MPHOSPH9: variants seen among roughly 807,000 people sequenced by gnomAD.
The protein encoded by MPHOSPH9 is M-phase phosphoprotein 9.
Under a neutral mutation model 145.5 loss-of-function variants are expected in MPHOSPH9, and 88 were observed. That is an observed-to-expected ratio of 0.60 (90% CI 0.51 to 0.72). The LOEUF (loss-of-function observed/expected upper bound fraction) is 0.72. Ranked by LOEUF, MPHOSPH9 falls within the 30% of genes least tolerant of loss-of-function variation. The pLI is 0.00. For synonymous variants in MPHOSPH9, 435 were observed against 486.2 expected, an observed-to-expected ratio of 0.89 and a Z score of 1.39; for missense variants, 1,238 against 1,386.6, an observed-to-expected ratio of 0.89 and a Z score of 1.70.
intron 6 of MPHOSPH9, among the ~76,000 whole-genome samples, chr12:123,216,153 C>G (rs1206806534): frequency 6.6e-6 from 1 of 152,112 alleles, no homozygotes; most frequent in Non-Finnish European, 1.5e-5. Flanking sequence ...TAGTACTAAA[C>G]GGCTTTTCTA....
downstream of MPHOSPH9, chr12:123,152,389 G>T: frequency 2.9e-6 from 1 of 339,624 alleles, no homozygotes; most frequent in East Asian, 8.3e-5. Context: ...CTGCTCCCGC[G>T]GAGCTTACAG....
At chr12:123,162,885 T>A in intron 20 of MPHOSPH9, 129 bp downstream of exon 20, 2 of 870,414 alleles carry the variant, frequency 2.3e-6, no homozygotes, top group Non-Finnish European at 3.3e-6. Flanking sequence ...CATTCACTTA[T>A]GATTTAAATG....
chr12:123,186,070 C>G (rs1212665451), intron 13 of MPHOSPH9, among the ~76,000 whole-genome samples: 1 of 151,588 alleles, frequency 6.6e-6, no homozygotes, highest in Non-Finnish European at 1.5e-5. Flanking sequence ...ACTAAAAATA[C>G]AAAAATTAGC....
chr12:123,185,841 C>T (rs1311213838), intron 13 of MPHOSPH9, among the ~76,000 whole-genome samples: 1 of 152,058 alleles, frequency 6.6e-6, no homozygotes, highest in East Asian at 1.9e-4. Context: ...ATTATTTAGA[C>T]AACTGGCAAC....
intron 16 of MPHOSPH9, among the ~76,000 whole-genome samples, chr12:123,171,726 G>C (rs2044591057): frequency 6.6e-6 from 1 of 152,090 alleles, no homozygotes; most frequent in South Asian, 2.1e-4. Flanking sequence ...TCCAGCCTGG[G>C]TGACACAGCG....
At chr12:123,175,181 T>C (rs1332722234) in intron 16 of MPHOSPH9, among the ~76,000 whole-genome samples, 7 of 151,934 alleles carry the variant, frequency 4.6e-5, no homozygotes, top group Non-Finnish European at 8.8e-5. Flanking sequence ...GACGGAGTCT[T>C]GCTCTGTCTC....
chr12:123,239,765 TTTTA>T (rs932213245), intron 1 of MPHOSPH9, among the ~76,000 whole-genome samples: 1 of 152,234 alleles, frequency 6.6e-6, no homozygotes, highest in African/African-American at 2.4e-5. Flanking sequence ...AGGTGACATT[TTTTA>T]TTTTTTTTTC....
chr12:123,235,994 G>A (rs1199718383), upstream of MPHOSPH9, among the ~76,000 whole-genome samples: 1 of 152,002 alleles, frequency 6.6e-6, no homozygotes, highest in Admixed American at 6.6e-5. Flanking sequence ...AACCCGGGAG[G>A]CAAAGGTTGT....
At chr12:123,204,414 T>A (rs1166536905) in intron 8 of MPHOSPH9, among the ~76,000 whole-genome samples, 2 of 151,554 alleles carry the variant, frequency 1.3e-5, no homozygotes, top group Non-Finnish European at 2.9e-5. Flanking sequence ...AGAGCTGGAG[T>A]TCCTTATCTA....
At chr12:123,190,955 A>T (rs1334335804) in intron 13 of MPHOSPH9, among the ~76,000 whole-genome samples, 1 of 152,214 alleles carries the variant, frequency 6.6e-6, no homozygotes, top group Non-Finnish European at 1.5e-5. Flanking sequence ...TAAAAACAAC[A>T]CATTCTAGCT....
At chr12:123,165,065 C>T (rs995097201) in intron 18 of MPHOSPH9, among the ~76,000 whole-genome samples, 7 of 148,834 alleles carry the variant, frequency 4.7e-5, no homozygotes, top group African/African-American at 1.7e-4. Context: ...TTTTCATAAT[C>T]GGAATGTAAG....
At chr12:123,205,174 C>T (rs1309999882) in intron 8 of MPHOSPH9, among the ~76,000 whole-genome samples, 2 of 152,200 alleles carry the variant, frequency 1.3e-5, no homozygotes, top group African/African-American at 2.4e-5. Context: ...CTAGACCCTA[C>T]GTAGGCTGCA....
At chr12:123,205,980 G>A (rs1012271725) in intron 8 of MPHOSPH9, among the ~76,000 whole-genome samples, 3 of 152,076 alleles carry the variant, frequency 2.0e-5, no homozygotes, top group African/African-American at 4.8e-5. Flanking sequence ...AATCAGACAC[G>A]TTTAGCAACA....
chr12:123,194,965 C>T (rs2045880845), intron 12 of MPHOSPH9, among the ~76,000 whole-genome samples: 1 of 151,926 alleles, frequency 6.6e-6, no homozygotes, highest in African/African-American at 2.4e-5. Context: ...TTAATAATAG[C>T]TAATAAATTG....
At chr12:123,239,050 C>A (rs968216800) in intron 1 of MPHOSPH9, among the ~76,000 whole-genome samples, 6 of 152,196 alleles carry the variant, frequency 3.9e-5, no homozygotes, top group African/African-American at 1.2e-4. Flanking sequence ...GAAGGCAGAT[C>A]GCTTGAGTTT....
At position 123,154,936 on chromosome 12, in the gene MPHOSPH9, CAT is replaced by C. The variant is rs374074840; in HGVS notation, c.*1869_*1870del. The C allele has an allele frequency of 3.7e-4, 55 of 149,572 alleles. No individual in the cohort carries two copies. Among genetic ancestry groups the C allele is most frequent in the African/African-American group, 1.3e-3 (54 of 40,724 alleles). The allele number at this position is 149,572 out of a possible 1,614,324, so 9.3% of individuals were successfully genotyped here. ...TTGAGGGGCCAAGGCAGGCGGATCACATGAGTTCAGGAGTTTGAGACCAGCCT... is the reference window on the plus strand; with the variant it reads ...TTGAGGGGCCAAGGCAGGCGGATCACGAGTTCAGGAGTTTGAGACCAGCCT... On this transcript the variant is annotated 3_prime_UTR_variant, in exon 24 of 24. Transcript: ENST00000606320.
chr12:123,209,575 T>C (rs890196079), intron 8 of MPHOSPH9, among the ~76,000 whole-genome samples: 6 of 151,250 alleles, frequency 4.0e-5, no homozygotes, highest in African/African-American at 1.5e-4. Context: ...GTCTGGTTAA[T>C]TTTTTTGTAT....
chr12:123,224,549 G>A (rs531144974), intron 3 of MPHOSPH9, among the ~76,000 whole-genome samples: 31 of 152,214 alleles, frequency 2.0e-4, no homozygotes, highest in African/African-American at 7.5e-4. Context: ...GGGATTACAG[G>A]CCTAAGTTTT....
chr12:123,165,925 T>G (rs767217228), intron 17 of MPHOSPH9, among the ~76,000 whole-genome samples: 9 of 152,176 alleles, frequency 5.9e-5, no homozygotes. Context: ...ACAATTATAC[T>G]CCACAATGAG....
Sources: allele counts gnomAD v4.1 joint callset (sites outside exome capture counted in the v4.1 genomes callset), GRCh38; gene constraint gnomAD v4.1.1; transcripts MANE v1.5; gene names NCBI Gene and HGNC (gene_info 2026-07-23, HGNC 2026-07-21).